The following SCFD1 variants were observed in gnomAD, a reference collection of about 807,000 sequenced individuals.
SCFD1 encodes sec1 family domain containing 1, also known as sec1 family domain-containing protein 1.
In SCFD1, 37 loss-of-function variants were observed where a neutral mutation model predicts 103.2. That is an observed-to-expected ratio of 0.36 (90% confidence interval 0.28 to 0.47). The LOEUF (loss-of-function observed/expected upper bound fraction) is 0.47, where lower values mean the gene tolerates loss of function less well. SCFD1 is among the 20% of genes least tolerant of loss of function. The pLI is 1.00. For synonymous variants in SCFD1, 264 were observed against 245.0 expected (o/e 1.08, Z -0.73); for missense variants, 639 against 761.2 (o/e 0.84, Z 1.89).
intron 7 of SCFD1, among the ~76,000 whole-genome samples, chr14:30,648,852 C>T (rs1444451074): frequency 1.3e-5 from 2 of 151,914 alleles, no homozygotes; most frequent in Admixed American, 6.6e-5. Context: ...CCTGTGCCTG[C>T]GGTCCCAGCT....
At chr14:30,634,152 C>T in intron 4 of SCFD1, 115 bp downstream of exon 4, 1 of 602,594 alleles carries the variant, frequency 1.7e-6, no homozygotes, top group Non-Finnish European at 2.9e-6. Flanking sequence ...TACTTTCTCA[C>T]TCTGATTTTT....
chr14:30,723,537 G>A (rs951122799), intron 23 of SCFD1, among the ~76,000 whole-genome samples: 1 of 152,028 alleles, frequency 6.6e-6, no homozygotes, highest in Non-Finnish European at 1.5e-5. Flanking sequence ...TATTTTTCCT[G>A]ATCCTCTCCC....
intron 16 of SCFD1, 117 bp downstream of exon 16, chr14:30,700,375 TC>T: frequency 1.3e-6 from 1 of 764,318 alleles, no homozygotes; most frequent in Non-Finnish European, 2.2e-6. Flanking sequence ...TTCATTTCTT[TC>T]TTTAAAAGAA....
intron 10 of SCFD1, among the ~76,000 whole-genome samples, chr14:30,660,787 C>T (rs1372932567): frequency 6.6e-6 from 1 of 152,036 alleles, no homozygotes; most frequent in African/African-American, 2.4e-5. Flanking sequence ...TACACTATTA[C>T]AGTTGTTCAT....
At chr14:30,730,359 T>G in intron 23 of SCFD1, among the ~76,000 whole-genome samples, 1 of 152,238 alleles carries the variant, frequency 6.6e-6, no homozygotes. Flanking sequence ...TTTATAATCC[T>G]TTGGGTATAT....
At chr14:30,724,428 T>C (rs1248991254) in intron 23 of SCFD1, among the ~76,000 whole-genome samples, 2 of 151,806 alleles carry the variant, frequency 1.3e-5, no homozygotes, top group African/African-American at 2.4e-5. Flanking sequence ...AATTTTTGTA[T>C]TTTTAGTAGA....
intron 11 of SCFD1, 102 bp from the exon 12 acceptor site, chr14:30,673,155 G>A (rs1888707653): frequency 2.0e-6 from 1 of 490,882 alleles, no homozygotes; most frequent in Admixed American, 3.8e-5. Flanking sequence ...ATCCAAATAA[G>A]TATATTTAAA....
In SCFD1 at chr14:30,670,313, G is replaced by A. The variant is rs1888418188; in HGVS notation, c.913G>A (p.Ala305Thr). Residue 305 changes from alanine to threonine, a missense_variant, in exon 11 of 25, where the codon GCT becomes ACT. Ala to Thr is a moderately conservative substitution (Grantham distance 58). Coordinates refer to ENST00000458591, the MANE Select transcript of SCFD1 (RefSeq NM_016106.4). ...ATCTTCAGGAGTGGAAAACTCTCCA[G>A]CTGGTGCTAGACCAAAGAGAAAAAA... ...EESSGVENSP[A>T]GARPKRKNKK... 6.3e-7 allele frequency: 1 copy of A among 1,597,402 alleles called. No individual in the cohort carries two copies. The highest frequency in any genetic ancestry group is 8.5e-7 in the Non-Finnish European group (1 of 1,173,502).
chr14:30,677,217 C>A (rs956663856), intron 14 of SCFD1, among the ~76,000 whole-genome samples: 2 of 152,110 alleles, frequency 1.3e-5, no homozygotes, highest in African/African-American at 4.8e-5. Flanking sequence ...GGCTGGAGTA[C>A]AGTGGCACAA....
At chr14:30,700,000 A>C (rs1033765578) in intron 15 of SCFD1, among the ~76,000 whole-genome samples, 188 bp from the exon 16 acceptor site, 4 of 152,172 alleles carry the variant, frequency 2.6e-5, no homozygotes, top group Non-Finnish European at 5.9e-5. Context: ...ATCCCACCTC[A>C]TTTAATCTTT....
At chr14:30,656,000 A>T (rs1360720618) in intron 10 of SCFD1, among the ~76,000 whole-genome samples, 1 of 151,860 alleles carries the variant, frequency 6.6e-6, no homozygotes, top group Non-Finnish European at 1.5e-5. Flanking sequence ...TGGCACACCT[A>T]CTCAGGAGGC....
At position 30,722,549 on chromosome 14, in the gene SCFD1, A is replaced by G. The variant is rs1811017554; in HGVS notation, c.1826A>G (p.Asp609Gly). 1 of 1,599,318 alleles carries G rather than the reference A, an allele frequency of 6.3e-7. No homozygotes were observed. The highest frequency in any genetic ancestry group is 8.5e-7 in the Non-Finnish European group (1 of 1,171,166). The change falls in exon 23 of 25, where the codon GAC (aspartate) becomes GGC (glycine). Residue 609 changes from aspartate to glycine, a missense_variant. Asp to Gly is a moderately conservative substitution (Grantham distance 94, BLOSUM62 -1). Coordinates refer to ENST00000458591, the MANE Select transcript of SCFD1 (RefSeq NM_016106.4). ...GNYIEYQNLV[D>G]YIKGKQGKHI... ...TACATTGAATATCAGAATCTTGTTG[A>G]CTACATAAAGGTACATTTTATTTAG...
chr14:30,728,464 A>C (rs938503776), intron 23 of SCFD1, among the ~76,000 whole-genome samples: 2 of 152,190 alleles, frequency 1.3e-5, no homozygotes, highest in African/African-American at 2.4e-5. Context: ...CCTGCAGCTA[A>C]CAGGTATACA....
chr14:30,732,517 T>C (rs973623913), intron 23 of SCFD1, among the ~76,000 whole-genome samples: 1 of 152,226 alleles, frequency 6.6e-6, no homozygotes, highest in Non-Finnish European at 1.5e-5. Context: ...TTTTTTGTCC[T>C]GAATAATCCT....
intron 10 of SCFD1, among the ~76,000 whole-genome samples, chr14:30,666,128 A>G (rs547948546): frequency 6.6e-6 from 1 of 152,344 alleles, no homozygotes; most frequent in South Asian, 2.1e-4. Flanking sequence ...CATCACACTT[A>G]TTCCAAAACT....
At chr14:30,726,853 G>A (rs1472130120) in intron 23 of SCFD1, among the ~76,000 whole-genome samples, 1 of 152,022 alleles carries the variant, frequency 6.6e-6, no homozygotes, top group Non-Finnish European at 1.5e-5. Flanking sequence ...AAGGCAAATC[G>A]GGCTTACCAT....
intron 10 of SCFD1, among the ~76,000 whole-genome samples, chr14:30,668,598 C>T (rs1453219782): frequency 6.6e-6 from 1 of 152,122 alleles, no homozygotes; most frequent in African/African-American, 2.4e-5. Context: ...AAACTACCAT[C>T]GGAGTGAACA....
At chr14:30,625,614 TA>T (rs1883322496) in intron 1 of SCFD1, among the ~76,000 whole-genome samples, 1 of 68,800 alleles carries the variant, frequency 1.5e-5, no homozygotes, top group Admixed American at 1.8e-4. Flanking sequence ...GGTATAGGTA[TA>T]CCTATATAGG....
At chr14:30,684,457 G>A (rs946591764) in intron 14 of SCFD1, among the ~76,000 whole-genome samples, 2 of 152,144 alleles carry the variant, frequency 1.3e-5, no homozygotes, top group East Asian at 1.9e-4. Context: ...ATGTATGTGC[G>A]CACAGCATGT....
Sources: gnomAD v4.1 joint callset for allele counts (sites outside exome capture counted in the v4.1 genomes callset) on GRCh38, gnomAD v4.1.1 for gene constraint, MANE v1.5 for transcripts, NCBI Gene and HGNC (gene_info 2026-07-23, HGNC 2026-07-21) for gene names.